Variants in GREB1L observed in about 807,000 individuals in gnomAD.
GREB1L encodes the protein GREB1-like protein.
GREB1L carries 17 observed loss-of-function variants against 200.8 expected under a neutral mutation model. The ratio of observed to expected loss-of-function variants is 0.08; its 90% CI spans 0.06 to 0.13. The LOEUF (loss-of-function observed/expected upper bound fraction) is 0.13. Among genes scored for constraint, GREB1L ranks in the 10% least tolerant of loss-of-function variants. The pLI, the probability that GREB1L is intolerant of heterozygous loss-of-function variation, is 1.00. For synonymous variants in GREB1L, 789 were observed against 893.0 expected (o/e 0.88, Z 2.08); for missense variants, 1,657 against 2,367.7 (o/e 0.70, Z 6.23).
intron 1 of GREB1L, among the ~76,000 whole-genome samples, chr18:21,327,199 G>A (rs1324545019): frequency 6.6e-6 from 1 of 152,162 alleles, no homozygotes; most frequent in Non-Finnish European, 1.5e-5. Context: ...GTAACACAAG[G>A]TAAACAGAAA....
intron 5 of GREB1L, among the ~76,000 whole-genome samples, chr18:21,398,269 C>T (rs1247006676): frequency 6.6e-6 from 1 of 152,112 alleles, no homozygotes; most frequent in Non-Finnish European, 1.5e-5. Flanking sequence ...ATTTTAAGAA[C>T]TTAAAGTCTT....
At chr18:21,490,421 TGGCTCAGG>T (rs1330137604) in intron 19 of GREB1L, 70 bp downstream of exon 19, 1 of 1,350,394 alleles carries the variant, frequency 7.4e-7, no homozygotes, top group East Asian at 2.5e-5. Context: ...CCTACATAGG[TGGCTCAGG>T]GGCCTGAGTT....
At chr18:21,428,595 A>G (rs1362999896) in intron 7 of GREB1L, among the ~76,000 whole-genome samples, 2 of 125,124 alleles carry the variant, frequency 1.6e-5, no homozygotes, top group Admixed American at 1.7e-4. Flanking sequence ...CCAACCTTGA[A>G]TTTCAGCTAT....
intron 1 of GREB1L, among the ~76,000 whole-genome samples, chr18:21,299,988 TA>T (rs918002693): frequency 6.6e-6 from 1 of 151,722 alleles, no homozygotes; most frequent in South Asian, 2.1e-4. Context: ...ATCAACGCTT[TA>T]AAAAAAAATC....
chr18:21,333,556 TC>T (rs1343141972), intron 1 of GREB1L, among the ~76,000 whole-genome samples: 6 of 151,628 alleles, frequency 4.0e-5, no homozygotes, highest in Admixed American at 6.6e-5. Context: ...GTGCCTGTAA[TC>T]CCAGCTACTT....
intron 1 of GREB1L, among the ~76,000 whole-genome samples, chr18:21,284,839 A>G (rs923205858): frequency 6.6e-6 from 1 of 152,082 alleles, no homozygotes; most frequent in Non-Finnish European, 1.5e-5. Context: ...CACCAACACT[A>G]GCTACTGTCT....
chr18:21,472,960 C>G, intron 15 of GREB1L, 71 bp from the exon 16 acceptor site: 10 of 1,093,550 alleles, frequency 9.1e-6, no homozygotes, highest in Non-Finnish European at 1.3e-5. Flanking sequence ...ACAATGAACT[C>G]AAGTCTATCT....
At chr18:21,383,785 T>C (rs2040422463) in intron 3 of GREB1L, 110 bp downstream of exon 3, 3 of 1,054,816 alleles carry the variant, frequency 2.8e-6, no homozygotes, top group African/African-American at 1.6e-5. Flanking sequence ...TGATCTCGGC[T>C]CACTGCAACG....
chr18:21,510,478 A>G lies in GREB1L; in HGVS notation c.4735+1887A>G, dbSNP rs1335313504. Among the ~76,000 whole-genome samples the G allele has an allele frequency of 2.0e-5, 3 of 152,158 alleles. No homozygotes were observed. The East Asian group carries it at 5.8e-4, about 29-fold the overall frequency. ...GACTGACTGGCTTATCTCACTTAGC[A>G]TGTCCTCAAGGTTCATCCATGTTGT... On this transcript the variant is annotated intron_variant, in intron 27 of 32. Transcript: ENST00000424526.
intron 1 of GREB1L, among the ~76,000 whole-genome samples, chr18:21,295,465 G>A (rs1028001184): frequency 2.0e-5 from 3 of 152,164 alleles, no homozygotes; most frequent in African/African-American, 4.8e-5. Context: ...GTCAAGTCCT[G>A]AAAATGTCCC....
chr18:21,474,481 A>G (rs573387215), intron 16 of GREB1L, among the ~76,000 whole-genome samples: 12 of 152,244 alleles, frequency 7.9e-5, no homozygotes, highest in South Asian at 2.1e-4. Context: ...GCCTGGGCAT[A>G]CAGGCATTTC....
intron 7 of GREB1L, among the ~76,000 whole-genome samples, chr18:21,431,318 T>G (rs1021636328): frequency 7.2e-5 from 11 of 152,150 alleles, no homozygotes; most frequent in Non-Finnish European, 1.0e-4. Flanking sequence ...AGCCACCGCA[T>G]CCAACCTAAT....
chr18:21,277,085 C>T (rs1182277408), intron 1 of GREB1L, among the ~76,000 whole-genome samples: 8 of 152,040 alleles, frequency 5.3e-5, no homozygotes, highest in Admixed American at 5.2e-4. Flanking sequence ...CCCACCACCA[C>T]GCCCAGCCAA....
At chr18:21,326,372 C>A (rs1251420181) in intron 1 of GREB1L, among the ~76,000 whole-genome samples, 1 of 152,070 alleles carries the variant, frequency 6.6e-6, no homozygotes, top group African/African-American at 2.4e-5. Context: ...GAATTTATTT[C>A]TCTCTTTTAG....
chr18:21,328,916 C>T (rs1404647278), intron 1 of GREB1L, among the ~76,000 whole-genome samples: 1 of 152,160 alleles, frequency 6.6e-6, no homozygotes, highest in African/African-American at 2.4e-5. Flanking sequence ...GATGAGTTAA[C>T]TGAAGCAAAG....
chr18:21,459,257 CTTTTCT>C (rs1240059732), intron 15 of GREB1L, among the ~76,000 whole-genome samples: 4 of 124,526 alleles, frequency 3.2e-5, no homozygotes, highest in Admixed American at 7.9e-5. Flanking sequence ...TTCCCACTTT[CTTTTCT>C]TTTTCTTTTT....
At chr18:21,441,339 T>C in intron 9 of GREB1L, 61 bp from the exon 10 acceptor site, 1 of 1,389,534 alleles carries the variant, frequency 7.2e-7, no homozygotes, top group South Asian at 1.5e-5. Context: ...ACTGCATTGC[T>C]TTCTATTGTA....
chr18:21,390,369 C>T (rs2040746500), intron 4 of GREB1L, among the ~76,000 whole-genome samples: 1 of 151,824 alleles, frequency 6.6e-6, no homozygotes, highest in Admixed American at 6.6e-5. Context: ...GCATTATTAT[C>T]ATAGGAGATG....
chr18:21,317,069 C>T (rs1303702322), intron 1 of GREB1L, among the ~76,000 whole-genome samples: 2 of 151,804 alleles, frequency 1.3e-5, no homozygotes, highest in Non-Finnish European at 2.9e-5. Context: ...GGCCAGGAGT[C>T]TTCTTTTCTA....
Sources: allele counts gnomAD v4.1 joint callset (sites outside exome capture counted in the v4.1 genomes callset), GRCh38; gene constraint gnomAD v4.1.1; transcripts MANE v1.5; gene names NCBI Gene and HGNC (gene_info 2026-07-23, HGNC 2026-07-21).